The following FNBP1L variants were observed in gnomAD, a reference collection of about 807,000 sequenced individuals.
FNBP1L encodes formin binding protein 1 like, also known as formin-binding protein 1-like.
FNBP1L carries 36 observed loss-of-function variants against 91.2 expected under a neutral mutation model. The observed-to-expected ratio is 0.39, with a 90% CI of 0.30 to 0.52. The LOEUF (loss-of-function observed/expected upper bound fraction) is 0.52, where lower values mean the gene tolerates loss of function less well. Among genes scored for constraint, FNBP1L ranks in the 20% least tolerant of loss-of-function variants. The probability of loss-of-function intolerance (pLI) is 0.66; values close to 1 mark genes in which losing one functional copy is unlikely to be tolerated. For synonymous variants in FNBP1L, 242 were observed against 237.0 expected, an observed-to-expected ratio of 1.02 and a Z score of -0.19; for missense variants, 571 against 732.1, an observed-to-expected ratio of 0.78 and a Z score of 2.54.
chr1:93,517,869 C>CT (rs1671185663), intron 2 of FNBP1L, among the ~76,000 whole-genome samples: 1 of 152,166 alleles, frequency 6.6e-6, no homozygotes, highest in Non-Finnish European at 1.5e-5. Context: ...AAGGTTTTGG[C>CT]TTTGTCACTT....
chr1:93,460,157 A>G (rs1047099373), intron 1 of FNBP1L, among the ~76,000 whole-genome samples: 1 of 152,200 alleles, frequency 6.6e-6, no homozygotes, highest in African/African-American at 2.4e-5. Flanking sequence ...TGTTTTAAGC[A>G]GTGGGGCCTT....
Position 93,524,274 on chromosome 1 carries a change from G to T in FNBP1L, c.356G>T (p.Gly119Val), listed in dbSNP as rs1671426513. Residue 119 changes from glycine to valine, a missense_variant, in exon 5 of 17, where the codon GGA becomes GTA. Physicochemically the swap from Gly to Val is moderately radical, Grantham distance 109. Coordinates refer to ENST00000271234, the MANE Select transcript of FNBP1L (RefSeq NM_001164473.3). The part of the protein sequence containing the change: ...KTERKMHLQE[G>V]RKAQQYLDMC... Reference sequence around the variant, plus strand: ...TATAATCTTCAGCATCTGCAAGAAGGACGAAAAGCTCAACAATATCTTGAC... The same window carrying T: ...TATAATCTTCAGCATCTGCAAGAAGTACGAAAAGCTCAACAATATCTTGAC... 2.0e-6 allele frequency: 3 copies of T among 1,502,540 alleles called. No homozygotes were observed. Among genetic ancestry groups the T allele is most frequent in the South Asian group, 2.7e-5 (2 of 72,990 alleles). 93.1% of individuals were successfully genotyped at this position (1,502,540 alleles called of 1,614,324 possible).
intron 1 of FNBP1L, among the ~76,000 whole-genome samples, chr1:93,448,579 G>A (rs1174294670): frequency 6.6e-6 from 1 of 152,112 alleles, no homozygotes; most frequent in Non-Finnish European, 1.5e-5. Flanking sequence ...GCGGGCTCCT[G>A]CGTGCGCCGT....
chr1:93,479,109 A>G lies in FNBP1L; in HGVS notation c.25-20359A>G, dbSNP rs909920164. On this transcript the variant is annotated intron_variant, in intron 1 of 16. Coordinates refer to ENST00000271234, the MANE Select transcript of FNBP1L (RefSeq NM_001164473.3). ...CCGGTCTGAGAAATAGAAAGAGTAC[A>G]AAGAGAGGAATTTTACAGCTGGGCC... Among the ~76,000 whole-genome samples, 5 of 152,350 alleles carry G rather than the reference A, an allele frequency of 3.3e-5. 1 individual carries two copies. In the South Asian group the frequency reaches 1.0e-3, roughly 32 times the overall value.
intron 5 of FNBP1L, among the ~76,000 whole-genome samples, chr1:93,526,951 G>A (rs1036975973): frequency 1.3e-5 from 2 of 152,144 alleles, no homozygotes; most frequent in East Asian, 3.9e-4. Flanking sequence ...TCTGAACTCA[G>A]TTTCAGAGAA....
At chr1:93,465,094 A>T (rs1488843372) in intron 1 of FNBP1L, among the ~76,000 whole-genome samples, 1 of 149,398 alleles carries the variant, frequency 6.7e-6, no homozygotes, top group Non-Finnish European at 1.5e-5. Flanking sequence ...TATGCATATC[A>T]TGGTTTCATT....
At position 93,541,732 on chromosome 1, in the gene FNBP1L, AT is replaced by A. The variant is rs548907213; in HGVS notation, c.1164+678del. ...TGGAAAATAGACCACTCTTTTTTAC[AT>A]TGTTGGAATCAGCCTTTTATAAATT... On this transcript the variant is annotated intron_variant, in intron 11 of 16. Transcript: ENST00000271234. 1.4e-3 allele frequency among the ~76,000 whole-genome samples: 208 copies of A among 152,242 alleles called. 4 individuals carry two copies. The highest frequency in any genetic ancestry group is 4.7e-3 in the African/African-American group (194 of 41,546).
Position 93,465,501 on chromosome 1 carries a change from G to C in FNBP1L, c.24+17196G>C, listed in dbSNP as rs554053497. Among the ~76,000 whole-genome samples the C allele has an allele frequency of 6.6e-5, 10 of 152,194 alleles. No homozygotes were observed. The South Asian group carries it at 2.1e-3, about 32-fold the overall frequency. On this transcript the variant is annotated intron_variant, in intron 1 of 16. Transcript: ENST00000271234. ...AGTTTGCTCAGAGTGATGGTTTCCA[G>C]CTTCATCCATGTCCCTGCAAAGGAC...
At chr1:93,527,300 C>T (rs184594653) in intron 5 of FNBP1L, among the ~76,000 whole-genome samples, 31 of 152,234 alleles carry the variant, frequency 2.0e-4, no homozygotes, top group African/African-American at 7.2e-4. Context: ...TGCTAGGGAA[C>T]TATGGGTAAA....
At chr1:93,529,622 C>T in intron 5 of FNBP1L, 30 bp from the exon 6 acceptor site, 1 of 1,271,120 alleles carries the variant, frequency 7.9e-7, no homozygotes, top group Non-Finnish European at 1.1e-6. Context: ...ATTTTATTTT[C>T]TCAGTGTGAT....
At chr1:93,507,120 C>T (rs1197755720) in intron 2 of FNBP1L, among the ~76,000 whole-genome samples, 1 of 139,272 alleles carries the variant, frequency 7.2e-6, no homozygotes, top group African/African-American at 2.7e-5. Context: ...CTCTCTCTCT[C>T]TCTCTCTCTC....
intron 2 of FNBP1L, among the ~76,000 whole-genome samples, chr1:93,516,391 T>G (rs1418054255): frequency 6.6e-6 from 1 of 152,206 alleles, no homozygotes; most frequent in East Asian, 1.9e-4. Flanking sequence ...TTACGGTGAC[T>G]CAATACATTC....
rs185285966 is a variant in FNBP1L, at chr1:93,531,436, G to C, written c.639+553G>C. ...AAAAAAGACCTCAGAATTTTCATGA[G>C]GGTTAAATTATTTAATTGCCTGTTC... On this transcript the variant is annotated intron_variant, in intron 7 of 16. Coordinates refer to ENST00000271234, the MANE Select transcript of FNBP1L (RefSeq NM_001164473.3). Among the ~76,000 whole-genome samples, 882 of 152,286 alleles carry C rather than the reference G, an allele frequency of 5.8e-3. 5 individuals carry two copies. The highest frequency in any genetic ancestry group is 8.6e-3 in the Non-Finnish European group (582 of 68,026).
Position 93,448,315 on chromosome 1 carries a change from GGA to G in FNBP1L, c.24+14_24+15del. 6.6e-7 allele frequency: 1 copy of G among 1,508,170 alleles called. No individual in the cohort carries two copies. The highest frequency in any genetic ancestry group is 1.3e-5 in the South Asian group (1 of 79,990). The allele number at this position is 1,508,170 out of a possible 1,614,324, so 93.4% of individuals were successfully genotyped here. On this transcript the variant is annotated intron_variant, in intron 1 of 16. Transcript: ENST00000271234. ...GGGCACGGAGCTGTGGGTGAGTCGGGGAGAGGGGCGCCCCGCACGGACCCCGG... is the reference window on the plus strand; with the variant it reads ...GGGCACGGAGCTGTGGGTGAGTCGGGGAGGGGCGCCCCGCACGGACCCCGG...
chr1:93,522,173 A>T, intron 3 of FNBP1L, 38 bp downstream of exon 3: 2 of 1,074,464 alleles, frequency 1.9e-6, no homozygotes, highest in Non-Finnish European at 2.5e-6. Context: ...ATATTAAAAA[A>T]TTTAAAAATA....
intron 1 of FNBP1L, among the ~76,000 whole-genome samples, chr1:93,499,021 G>C (rs1570805915): frequency 6.6e-6 from 1 of 152,236 alleles, no homozygotes; most frequent in East Asian, 1.9e-4. Context: ...TTAGGCTGTG[G>C]GGGTTCAGAG....
chr1:93,534,953 C>G, intron 9 of FNBP1L, 45 bp downstream of exon 9: 1 of 1,443,184 alleles, frequency 6.9e-7, no homozygotes, highest in Non-Finnish European at 9.4e-7. Context: ...TTAAGTGTAC[C>G]AACTAAAACA....
chr1:93,537,410 C>T (rs1055247214), intron 10 of FNBP1L, among the ~76,000 whole-genome samples: 1 of 152,044 alleles, frequency 6.6e-6, no homozygotes, highest in African/African-American at 2.4e-5. Flanking sequence ...TCTTACCCCT[C>T]CTTCCCTTCT....
chr1:93,548,875 A>G (rs1436843427), intron 14 of FNBP1L, among the ~76,000 whole-genome samples: 3 of 152,180 alleles, frequency 2.0e-5, no homozygotes, highest in African/African-American at 7.2e-5. Context: ...CAGATTCAGA[A>G]TAGAAACAAT....
Sources: gnomAD v4.1 joint callset for allele counts (sites outside exome capture counted in the v4.1 genomes callset) on GRCh38, gnomAD v4.1.1 for gene constraint, MANE v1.5 for transcripts, NCBI Gene and HGNC (gene_info 2026-07-23, HGNC 2026-07-21) for gene names.